Variants in ZNF652 observed in about 807,000 individuals in gnomAD.
ZNF652 encodes the protein zinc finger protein 652.
Under a neutral mutation model 45.2 loss-of-function variants are expected in ZNF652, and 16 were observed. The ratio of observed to expected loss-of-function variants is 0.35; its 90% CI spans 0.24 to 0.54. The LOEUF is 0.54. Among genes scored for constraint, ZNF652 ranks in the 20% least tolerant of loss-of-function variants. The pLI, the probability that ZNF652 is intolerant of heterozygous loss-of-function variation, is 0.91. For missense variants in ZNF652, 614 were observed against 765.6 expected, an observed-to-expected ratio of 0.80 and a Z score of 2.34; for synonymous variants, 250 against 260.6, an observed-to-expected ratio of 0.96 and a Z score of 0.39.
chr17:49,333,086 C>T (rs2070041586), intron 1 of ZNF652, among the ~76,000 whole-genome samples: 1 of 151,168 alleles, frequency 6.6e-6, no homozygotes, highest in Admixed American at 6.6e-5. Context: ...GAGACAGAGT[C>T]TCGCTCTGTC....
rs748582903 is a variant in ZNF652 at position 49,317,505 on chromosome 17, T to G, written c.221A>C (p.Glu74Ala). The stretch of plus-strand genomic sequence containing the variant: ...CCTGAAATATGGCTGTTCTTCTGTT[T>G]CATGGAGATGCGGTTTGCTCATCTT... ...DTKMSKPHLH[E>A]TEEQPYFRET... Residue 74 changes from glutamate (E) to alanine (A), a missense_variant, in exon 2 of 6, where the codon GAA becomes GCA. Coordinates refer to ENST00000430262, the MANE Select transcript of ZNF652 (RefSeq NM_001145365.3). 4.3e-6 allele frequency: 7 copies of G among 1,614,150 alleles called. No homozygotes were observed. Among genetic ancestry groups the G allele is most frequent in the Non-Finnish European group, 5.9e-6 (7 of 1,180,022 alleles).
intron 5 of ZNF652, among the ~76,000 whole-genome samples, chr17:49,310,007 G>A (rs1428446423): frequency 1.3e-5 from 2 of 152,060 alleles, no homozygotes; most frequent in Non-Finnish European, 2.9e-5. Flanking sequence ...AGGCTGGAGT[G>A]CAGTGGTGCG....
chr17:49,307,928 G>A (rs929095177), intron 5 of ZNF652, among the ~76,000 whole-genome samples: 1 of 152,072 alleles, frequency 6.6e-6, no homozygotes, highest in Non-Finnish European at 1.5e-5. Flanking sequence ...TATTGCTGAT[G>A]ACATAATACA....
In ZNF652 at chr17:49,305,913, C is replaced by T. The variant is rs79005970; in HGVS notation, c.1309+5399G>A. Among the ~76,000 whole-genome samples, 1,183 of 152,314 alleles carry T rather than the reference C, an allele frequency of 7.8e-3. 22 individuals are homozygous for T. The highest frequency in any genetic ancestry group is 0.025 in the African/African-American group (1,034 of 41,576). On this transcript the variant is annotated intron_variant, in intron 5 of 5. Coordinates refer to ENST00000430262, the MANE Select transcript of ZNF652 (RefSeq NM_001145365.3). Reference sequence around the variant, plus strand: ...CCAATACTGTCAGTTCATACAATGTCCTTAATCCCCACCAAAACACACTGC... The same window carrying T: ...CCAATACTGTCAGTTCATACAATGTTCTTAATCCCCACCAAAACACACTGC...
chr17:49,328,817 G>T (rs564279972), intron 1 of ZNF652, among the ~76,000 whole-genome samples: 3 of 152,172 alleles, frequency 2.0e-5, no homozygotes, highest in Admixed American at 1.3e-4. Flanking sequence ...AATGCAAACA[G>T]ACTAATACAA....
chr17:49,307,434 A>G (rs1206285180), intron 5 of ZNF652, among the ~76,000 whole-genome samples: 16 of 126,626 alleles, frequency 1.3e-4, no homozygotes, highest in African/African-American at 4.8e-4. Flanking sequence ...CTGTCTCAAA[A>G]GAAAAAAAAA....
intron 2 of ZNF652, among the ~76,000 whole-genome samples, chr17:49,315,042 G>GTTTT (rs11342868): frequency 2.4e-4 from 32 of 134,222 alleles, no homozygotes; most frequent in African/African-American, 8.4e-4. Flanking sequence ...GTTTTAGTTT[G>GTTTT]TTTTTTTTTT....
chr17:49,318,385 A>G (rs925145204), intron 1 of ZNF652, among the ~76,000 whole-genome samples: 1 of 152,168 alleles, frequency 6.6e-6, no homozygotes, highest in East Asian at 1.9e-4. Flanking sequence ...CAAAATTATT[A>G]AACTCTTTAC....
rs1005228721 is a variant in ZNF652, at chr17:49,324,078, G to A, written c.-258-6095C>T. On this transcript the variant is annotated intron_variant, in intron 1 of 5. Transcript: ENST00000430262. ...TAGATGGCATCTTCTTTCGATATAA[G>A]GCATTTTGTCTACACCAGAAAATGA... Among the ~76,000 whole-genome samples the A allele has an allele frequency of 6.2e-4, 94 of 152,306 alleles. 1 individual carries two copies. The highest frequency in any genetic ancestry group is 2.1e-3 in the African/African-American group (89 of 41,558).
chr17:49,323,726 A>T (rs1418230328), intron 1 of ZNF652, among the ~76,000 whole-genome samples: 1 of 152,210 alleles, frequency 6.6e-6, no homozygotes, highest in African/African-American at 2.4e-5. Flanking sequence ...GTACATCTCC[A>T]TCAGAGCTCT....
Position 49,295,974 on chromosome 17 carries a change from A to T in ZNF652, c.*2439T>A, listed in dbSNP as rs1043645066. 3 of 151,192 alleles carry T rather than the reference A, an allele frequency of 2.0e-5. No homozygotes were observed. The highest frequency in any genetic ancestry group is 2.9e-5 in the Non-Finnish European group (2 of 67,878). The allele number at this position is 151,192 out of a possible 1,614,324, so 9.4% of individuals were successfully genotyped here. A position where few individuals can be genotyped will look rare whatever the true frequency, so the allele number is the denominator to read the frequency against. On this transcript the variant is annotated 3_prime_UTR_variant, in exon 6 of 6. Transcript: ENST00000430262. ...AAAAAAAAAAAAAAAAACAGAACAA[A>T]ATATAACCAATTAACTAAGCACAGT...
At chr17:49,349,976 G>A (rs780385590) in intron 1 of ZNF652, among the ~76,000 whole-genome samples, 1 of 152,094 alleles carries the variant, frequency 6.6e-6, no homozygotes, top group African/African-American at 2.4e-5. Context: ...TAACCAAAGC[G>A]AATCCATGAA....
chr17:49,317,324 T>C lies in ZNF652; in HGVS notation c.402A>G (p.Glu134=). ...CTTTGGACTGAGAAGAGACACCCTT[T>C]TCCCCTTTAGATACATTTAATGTTT... ...NNQTLNVSKG[E]KGVSSQSKET... The change falls in exon 2 of 6, where the codon GAA becomes GAG. Residue 134 remains glutamate (E), a synonymous_variant. Coordinates refer to ENST00000430262, the MANE Select transcript of ZNF652 (RefSeq NM_001145365.3). 1 of 1,613,518 alleles carries C rather than the reference T, an allele frequency of 6.2e-7. No individual in the cohort carries two copies. Among genetic ancestry groups the C allele is most frequent in the South Asian group, 1.1e-5 (1 of 91,078 alleles).
rs576021145 is a variant in ZNF652, at chr17:49,312,607, C to A, written c.1048+91G>T. 6 of 1,405,574 alleles carry A rather than the reference C, an allele frequency of 4.3e-6. No homozygotes were observed. The Admixed American group carries it at 8.6e-5, about 20-fold the overall frequency. 87.1% of individuals were successfully genotyped at this position (1,405,574 alleles called of 1,614,324 possible). A position where few individuals can be genotyped will look rare whatever the true frequency, so the allele number is the denominator to read the frequency against. The stretch of plus-strand genomic sequence containing the variant: ...TTCAACATGTCAAAACTGATTAGGG[C>A]AATTCCTCATATCCTGCCCAATCCA... On this transcript the variant is annotated intron_variant, in intron 3 of 5. Transcript: ENST00000430262.
At position 49,297,766 on chromosome 17, in the gene ZNF652, A is replaced by G. The variant is rs796329273; in HGVS notation, c.*647T>C. The G allele has an allele frequency of 9.2e-5, 14 of 152,822 alleles. 1 individual carries two copies. Among genetic ancestry groups the G allele is most frequent in the African/African-American group, 3.4e-4 (14 of 41,598 alleles). 9.5% of individuals were successfully genotyped at this position (152,822 alleles called of 1,614,324 possible). ...TACAACATAGGTTCAGCTACACTGA[A>G]AAAATTACACTGCTTATTGAAATAC... On this transcript the variant is annotated 3_prime_UTR_variant, in exon 6 of 6. Coordinates refer to ENST00000430262, the MANE Select transcript of ZNF652 (RefSeq NM_001145365.3).
At chr17:49,342,202 A>G (rs2070155056) in intron 1 of ZNF652, among the ~76,000 whole-genome samples, 1 of 151,850 alleles carries the variant, frequency 6.6e-6, no homozygotes, top group Non-Finnish European at 1.5e-5. Context: ...AAAAAAAAAG[A>G]ATTTTCTCAA....
intron 5 of ZNF652, among the ~76,000 whole-genome samples, chr17:49,307,214 C>A (rs888738087): frequency 6.6e-6 from 1 of 151,916 alleles, no homozygotes; most frequent in African/African-American, 2.4e-5. Context: ...GCGGGTGGAT[C>A]ACCTGAGGTC....
chr17:49,314,040 CATTT>C (rs1567920767), intron 2 of ZNF652, among the ~76,000 whole-genome samples: 1 of 137,654 alleles, frequency 7.3e-6, no homozygotes, highest in Admixed American at 7.4e-5. Context: ...GCATTTGGAG[CATTT>C]ATTAATACGA....
Position 49,294,781 on chromosome 17 carries a change from T to C in ZNF652, c.*3632A>G, listed in dbSNP as rs935086424. The C allele has an allele frequency of 6.6e-6, 1 of 152,216 alleles. No individual in the cohort carries two copies. The highest frequency in any genetic ancestry group is 1.5e-5 in the Non-Finnish European group (1 of 68,042). The allele number at this position is 152,216 out of a possible 1,614,324, so 9.4% of individuals were successfully genotyped here. On this transcript the variant is annotated 3_prime_UTR_variant, in exon 6 of 6. Transcript: ENST00000430262. ...CTAAGTAACGAGAGACAGCCTCAAT[T>C]TGTTATCTATATAATGCTTAAATGC... is the stretch of plus-strand genomic sequence containing the variant.
Sources: allele counts gnomAD v4.1 joint callset (sites outside exome capture counted in the v4.1 genomes callset), GRCh38; gene constraint gnomAD v4.1.1; transcripts MANE v1.5; gene names NCBI Gene and HGNC (gene_info 2026-07-23, HGNC 2026-07-21).